Variants in SLC13A1 observed in about 807,000 individuals in gnomAD.
SLC13A1 encodes solute carrier family 13 member 1.
SLC13A1 carries 65 observed loss-of-function variants against 70.0 expected under a neutral mutation model. That is an observed-to-expected ratio of 0.93 (90% CI 0.76 to 1.14). SLC13A1 has a LOEUF of 1.14. Among genes scored for constraint, SLC13A1 ranks in the 50% most tolerant of loss-of-function variants. The pLI is 0.00. For synonymous variants in SLC13A1, 275 were observed against 250.5 expected (o/e 1.10, Z -0.92); for missense variants, 726 against 717.8 (o/e 1.01, Z -0.13).
At chr7:123,142,488 C>T (rs930962960) in intron 7 of SLC13A1, among the ~76,000 whole-genome samples, 2 of 152,126 alleles carry the variant, frequency 1.3e-5, no homozygotes, top group African/African-American at 2.4e-5. Flanking sequence ...TTAGTTTTCC[C>T]TCTGCTTTTG....
In SLC13A1 at chr7:123,125,693, A is replaced by G; in HGVS notation, c.1134-18T>C. On this transcript the variant is annotated intron_variant, in intron 10 of 14. Transcript: ENST00000194130. ...CAGGGTACCTGTAAAAGGGACAAAT[A>G]CATGTATTAAAAATAGCATCAAGAA... 2 of 1,556,158 alleles carry G rather than the reference A, an allele frequency of 1.3e-6. No individual in the cohort carries two copies.
At chr7:123,144,456 T>C (rs769427469) in intron 7 of SLC13A1, among the ~76,000 whole-genome samples, 16 of 152,182 alleles carry the variant, frequency 1.1e-4, no homozygotes, top group Admixed American at 9.2e-4. Context: ...ATTTTTATTT[T>C]ACACAGGAAT....
chr7:123,142,655 T>TTTTTTTTACTC (rs1794196073), intron 7 of SLC13A1, among the ~76,000 whole-genome samples: 1 of 146,276 alleles, frequency 6.8e-6, no homozygotes, highest in Non-Finnish European at 1.5e-5. Flanking sequence ...TTTTTTTTTT[T>TTTTTTTTACTC]GATGGAGGCT....
chr7:123,181,069 G>T lies in SLC13A1; in HGVS notation c.132C>A (p.Val44=). Residue 44 remains valine, a synonymous_variant, in exon 2 of 15, where the codon GTC becomes GTA. Coordinates refer to ENST00000194130, the MANE Select transcript of SLC13A1 (RefSeq NM_022444.4). The stretch of plus-strand genomic sequence containing the variant: ...ATGCTTCTGTGAGCCAAAATGTGGC[G>T]ACCACAAAGAGTGTGTAGGCACATT... ...EAECAYTLFV[V]ATFWLTEALP... 1.2e-6 allele frequency: 2 copies of T among 1,612,506 alleles called. No homozygotes were observed. The highest frequency in any genetic ancestry group is 2.2e-5 in the South Asian group (2 of 90,992).
intron 7 of SLC13A1, among the ~76,000 whole-genome samples, chr7:123,135,313 A>G (rs764327293): frequency 5.3e-5 from 8 of 152,220 alleles, no homozygotes; most frequent in Non-Finnish European, 1.2e-4. Context: ...GTAACCTCAC[A>G]TTCATTGTTC....
In SLC13A1 at chr7:123,199,951, C is replaced by T; in HGVS notation, c.-5G>A. ...AATGTAACTGAAGAATTTCATTGTC[C>T]TGAGCAGGTGGCTTCAATAGTGTCC... On this transcript the variant is annotated 5_prime_UTR_variant, in exon 1 of 15. Transcript: ENST00000194130. The T allele has an allele frequency of 6.2e-7, 1 of 1,605,456 alleles. No individual in the cohort carries two copies. The highest frequency in any genetic ancestry group is 2.2e-5 in the East Asian group (1 of 44,790).
At chr7:123,161,344 T>G (rs1794890246) in intron 6 of SLC13A1, among the ~76,000 whole-genome samples, 1 of 151,744 alleles carries the variant, frequency 6.6e-6, no homozygotes, top group Admixed American at 6.6e-5. Flanking sequence ...CATATAACTA[T>G]AAATACTATA....
At chr7:123,161,648 G>A (rs1357189876) in intron 6 of SLC13A1, among the ~76,000 whole-genome samples, 1 of 152,150 alleles carries the variant, frequency 6.6e-6, no homozygotes, top group Admixed American at 6.6e-5. Context: ...AGAGTCAGGG[G>A]CATGGTGATG....
At chr7:123,176,565 A>G (rs1795452102) in intron 2 of SLC13A1, among the ~76,000 whole-genome samples, 2 of 152,200 alleles carry the variant, frequency 1.3e-5, no homozygotes, top group South Asian at 2.1e-4. Context: ...ATCAATAAAT[A>G]GTTGTAAAAA....
chr7:123,130,753 T>C (rs969583835), intron 8 of SLC13A1, among the ~76,000 whole-genome samples: 1 of 152,090 alleles, frequency 6.6e-6, no homozygotes, highest in Non-Finnish European at 1.5e-5. Flanking sequence ...CTCTATTACA[T>C]TTTTTTCTTT....
At chr7:123,173,130 G>A (rs1177137435) in intron 2 of SLC13A1, among the ~76,000 whole-genome samples, 1 of 151,730 alleles carries the variant, frequency 6.6e-6, no homozygotes, top group Non-Finnish European at 1.5e-5. Context: ...GCTAATAGAA[G>A]GAATGGGAAT....
rs1389879770 is a variant in SLC13A1 at position 123,171,783 on chromosome 7, C to A, written c.350G>T (p.Gly117Val). 2 of 1,613,900 alleles carry A rather than the reference C, an allele frequency of 1.2e-6. No homozygotes were observed. Among genetic ancestry groups the A allele is most frequent in the South Asian group, 2.2e-5 (2 of 91,064 alleles). The stretch of plus-strand genomic sequence containing the variant: ...CAGTACTTACCATGCAGGATTTACA[C>A]CAACCATCATCACCATTTTCAGAGC... ...RIALKMVMMV[G>V]VNPAWLTLGF... Residue 117 changes from glycine to valine, a missense_variant, in exon 3 of 15, where the codon GGT (glycine) becomes GTT (valine). Transcript: ENST00000194130.
At chr7:123,129,851 A>G (rs570379000) in intron 8 of SLC13A1, among the ~76,000 whole-genome samples, 5 of 152,312 alleles carry the variant, frequency 3.3e-5, no homozygotes, top group South Asian at 2.1e-4. Flanking sequence ...TTATATATTT[A>G]AAATGTATTT....
chr7:123,179,580 A>G (rs1795569393), intron 2 of SLC13A1, among the ~76,000 whole-genome samples: 1 of 152,100 alleles, frequency 6.6e-6, no homozygotes, highest in Admixed American at 6.6e-5. Context: ...AGGCCCTTAC[A>G]CACCACAAAG....
intron 7 of SLC13A1, among the ~76,000 whole-genome samples, chr7:123,136,607 A>G (rs1316024019): frequency 6.6e-6 from 1 of 152,206 alleles, no homozygotes; most frequent in Admixed American, 6.6e-5. Flanking sequence ...ACTGTTTGGT[A>G]TCTACCAAGT....
chr7:123,119,367 CT>C, intron 12 of SLC13A1, 125 bp from the exon 13 acceptor site: 2 of 747,510 alleles, frequency 2.7e-6, no homozygotes, highest in Non-Finnish European at 4.0e-6. Context: ...TTTAATCTCT[CT>C]TTTTTTCTGT....
rs185290778 is a variant in SLC13A1 at position 123,171,647 on chromosome 7, G to A, written c.365+121C>T. 76 of 1,014,826 alleles carry A rather than the reference G, an allele frequency of 7.5e-5. No homozygotes were observed. In the East Asian group the frequency reaches 1.6e-3, roughly 21 times the overall value. 62.9% of individuals were successfully genotyped at this position (1,014,826 alleles called of 1,614,324 possible). The stretch of plus-strand genomic sequence containing the variant: ...CTTTCATATTTGCAGAGGAAAAAAC[G>A]TCATAAGTCAGACTGTGATACAAAG... On this transcript the variant is annotated intron_variant, in intron 3 of 14. Coordinates refer to ENST00000194130, the MANE Select transcript of SLC13A1 (RefSeq NM_022444.4).
At chr7:123,149,625 G>A (rs1277574967) in intron 6 of SLC13A1, 5 of 456,268 alleles carry the variant, frequency 1.1e-5, no homozygotes, top group Admixed American at 9.4e-5. Context: ...CAAGTACTGT[G>A]GAAATGAAAT....
chr7:123,156,143 G>A (rs986471592), intron 6 of SLC13A1, among the ~76,000 whole-genome samples: 2 of 151,986 alleles, frequency 1.3e-5, no homozygotes, highest in South Asian at 2.1e-4. Context: ...TTTCATTACC[G>A]ATTTAGGATT....
Sources: gnomAD v4.1 joint callset for allele counts (sites outside exome capture counted in the v4.1 genomes callset) on GRCh38, gnomAD v4.1.1 for gene constraint, MANE v1.5 for transcripts, NCBI Gene and HGNC (gene_info 2026-07-23, HGNC 2026-07-21) for gene names.